ELP3: variants seen among roughly 807,000 people sequenced by gnomAD.
ELP3 encodes the protein elongator acetyltransferase complex subunit 3, also known as elongator complex protein 3.
Under a neutral mutation model 74.9 loss-of-function variants are expected in ELP3, and 56 were observed. The observed-to-expected ratio is 0.75, with a 90% CI of 0.60 to 0.93. ELP3 has a LOEUF of 0.93. ELP3 is among the 40% of genes least tolerant of loss of function. The pLI is 0.00. For synonymous variants in ELP3, 222 were observed against 239.8 expected (o/e 0.93, Z 0.68); for missense variants, 573 against 686.5 (o/e 0.83, Z 1.85).
At position 28,099,914 on chromosome 8, in the gene ELP3, G is replaced by T. The variant is rs139135365; in HGVS notation, c.206G>T (p.Arg69Leu). The change falls in exon 3 of 15, where the codon CGC becomes CTC. Residue 69 changes from arginine (R) to leucine (L), a missense_variant. By Grantham distance (102) the Arg-to-Leu change is moderately radical. Coordinates refer to ENST00000256398, the MANE Select transcript of ELP3 (RefSeq NM_018091.6). ...ATTGCTGCCGTCCCTCCTCAGTATCGCAAGGTCTTGATGCCCAAGTTAAAG... is the reference window on the plus strand; with the variant it reads ...ATTGCTGCCGTCCCTCCTCAGTATCTCAAGGTCTTGATGCCCAAGTTAAAG... ...DIIAAVPPQY[R>L]KVLMPKLKAK... is the part of the protein sequence containing the mutation. 27 of 1,614,130 alleles carry T rather than the reference G, an allele frequency of 1.7e-5. No individual in the cohort carries two copies. The highest frequency in any genetic ancestry group is 2.0e-5 in the Non-Finnish European group (24 of 1,180,040).
intron 3 of ELP3, among the ~76,000 whole-genome samples, chr8:28,105,639 A>G (rs1811658811): frequency 6.6e-6 from 1 of 152,130 alleles, no homozygotes; most frequent in Non-Finnish European, 1.5e-5. Flanking sequence ...CATGTAACAC[A>G]TTTCCATTTG....
In ELP3 at chr8:28,148,064, T is replaced by C. The variant is rs536285291; in HGVS notation, c.1101-7878T>C. Among the ~76,000 whole-genome samples, 1,012 of 152,296 alleles carry C rather than the reference T, an allele frequency of 6.6e-3. 7 individuals carry two copies. The highest frequency in any genetic ancestry group is 0.023 in the African/African-American group (972 of 41,560). ...ATAGGAAAGAAGGGAAAAGTCTTCC[T>C]TACATACAAGGTCAACTAGTAAATA... On this transcript the variant is annotated intron_variant, in intron 10 of 14. Coordinates refer to ENST00000256398, the MANE Select transcript of ELP3 (RefSeq NM_018091.6).
At chr8:28,101,786 C>T (rs766769610) in intron 3 of ELP3, among the ~76,000 whole-genome samples, 3 of 152,050 alleles carry the variant, frequency 2.0e-5, no homozygotes, top group Non-Finnish European at 4.4e-5. Context: ...GACAGGGTTT[C>T]ACTATGTTGG....
Position 28,106,752 on chromosome 8 carries a change from C to A in ELP3, c.298C>A (p.Pro100Thr). 1 of 1,612,646 alleles carries A rather than the reference C, an allele frequency of 6.2e-7. No individual in the cohort carries two copies. Among genetic ancestry groups the A allele is most frequent in the Non-Finnish European group, 8.5e-7 (1 of 1,179,626 alleles). ...VAVMCKPHRC[P>T]HISFTGNICV... ...TGTGATGTGCAAACCCCACAGATGTCCACACATCAGTTTTACAGGAAATAT... is the reference window on the plus strand; with the variant it reads ...TGTGATGTGCAAACCCCACAGATGTACACACATCAGTTTTACAGGAAATAT... The change falls in exon 4 of 15, where the codon CCA becomes ACA. Residue 100 changes from proline to threonine, a missense_variant. Pro to Thr is a conservative substitution (Grantham distance 38, BLOSUM62 -1). Transcript: ENST00000256398.
intron 8 of ELP3, 72 bp downstream of exon 8, chr8:28,129,735 C>G (rs1440384094): frequency 7.7e-6 from 12 of 1,562,236 alleles, no homozygotes; most frequent in Non-Finnish European, 9.7e-6. Context: ...TCATACCCAG[C>G]CTTTCTTCCT....
At chr8:28,091,474 T>A (rs1023712974), upstream of ELP3, among the ~76,000 whole-genome samples, 1 of 152,230 alleles carries the variant, frequency 6.6e-6, no homozygotes, top group Admixed American at 6.5e-5. Flanking sequence ...CAAATACCAC[T>A]GAACTTGGCA....
chr8:28,140,826 T>C (rs1813208332), intron 10 of ELP3, among the ~76,000 whole-genome samples: 1 of 152,202 alleles, frequency 6.6e-6, no homozygotes, highest in South Asian at 2.1e-4. Flanking sequence ...ATACATGTTA[T>C]GTAAGCTTTG....
At chr8:28,173,148 T>C (rs1166268902) in intron 14 of ELP3, among the ~76,000 whole-genome samples, 2 of 152,092 alleles carry the variant, frequency 1.3e-5, no homozygotes, top group Admixed American at 1.3e-4. Context: ...CTTTATTAAA[T>C]GAATTATAAA....
At chr8:28,143,535 T>C (rs927204343) in intron 10 of ELP3, among the ~76,000 whole-genome samples, 3 of 152,230 alleles carry the variant, frequency 2.0e-5, no homozygotes, top group Non-Finnish European at 4.4e-5. Context: ...GTTAGCACTT[T>C]CATGTTCCAT....
In ELP3 at chr8:28,175,370, G is replaced by A. The variant is rs10104783; in HGVS notation, c.1567+13292G>A. Among the ~76,000 whole-genome samples the A allele has an allele frequency of 2.8e-3, 422 of 152,030 alleles. 1 individual carries two copies. The highest frequency in any genetic ancestry group is 9.6e-3 in the African/African-American group (399 of 41,438). On this transcript the variant is annotated intron_variant, in intron 14 of 14. Coordinates refer to ENST00000256398, the MANE Select transcript of ELP3 (RefSeq NM_018091.6). Reference sequence around the variant, plus strand: ...ATAAATTCAGTTGCATTATCTTAAAGTCCACTGATTCTGTCTGCTGCCTCC... The same window carrying A: ...ATAAATTCAGTTGCATTATCTTAAAATCCACTGATTCTGTCTGCTGCCTCC...
intron 7 of ELP3, among the ~76,000 whole-genome samples, chr8:28,120,379 T>A (rs1163780217): frequency 6.6e-6 from 1 of 152,252 alleles, no homozygotes; most frequent in African/African-American, 2.4e-5. Context: ...TTGAGTATAT[T>A]TCCTTTGTGA....
At chr8:28,142,078 A>G (rs1199172650) in intron 10 of ELP3, among the ~76,000 whole-genome samples, 1 of 152,212 alleles carries the variant, frequency 6.6e-6, no homozygotes, top group Admixed American at 6.5e-5. Context: ...TTTAAATACC[A>G]CTATGCGACA....
At chr8:28,105,147 C>T (rs903747826) in intron 3 of ELP3, among the ~76,000 whole-genome samples, 5 of 151,714 alleles carry the variant, frequency 3.3e-5, no homozygotes, top group Non-Finnish European at 7.4e-5. Flanking sequence ...TTTGGAAGGA[C>T]GAGGTGGGTG....
At chr8:28,126,384 A>C (rs1174034119) in intron 7 of ELP3, among the ~76,000 whole-genome samples, 2 of 152,376 alleles carry the variant, frequency 1.3e-5, no homozygotes, top group South Asian at 2.1e-4. Context: ...TATGCTTCAC[A>C]GAGAACATAG....
chr8:28,106,678 C>A, intron 3 of ELP3, 35 bp from the exon 4 acceptor site: 2 of 1,574,098 alleles, frequency 1.3e-6, no homozygotes, highest in South Asian at 1.1e-5. Flanking sequence ...ATTAATTATC[C>A]TATAATAGCT....
At chr8:28,172,261 T>G (rs1296305719) in intron 14 of ELP3, among the ~76,000 whole-genome samples, 1 of 152,160 alleles carries the variant, frequency 6.6e-6, no homozygotes, top group Non-Finnish European at 1.5e-5. Flanking sequence ...CTTAACAATG[T>G]TAAGTCTTCC....
At chr8:28,101,247 T>G (rs1811470209) in intron 3 of ELP3, among the ~76,000 whole-genome samples, 1 of 151,588 alleles carries the variant, frequency 6.6e-6, no homozygotes. Context: ...AGCCCATCTC[T>G]ACTAAAAATA....
intron 2 of ELP3, 115 bp downstream of exon 2, chr8:28,097,433 C>T (rs1031121040): frequency 2.2e-5 from 14 of 639,254 alleles, no homozygotes; most frequent in Non-Finnish European, 3.4e-5. Context: ...AGAATTTTAG[C>T]TTTCTGCCTT....
At chr8:28,143,204 T>A (rs925647491) in intron 10 of ELP3, among the ~76,000 whole-genome samples, 2 of 152,190 alleles carry the variant, frequency 1.3e-5, no homozygotes, top group Admixed American at 6.5e-5. Flanking sequence ...CACGTTCTAG[T>A]CAATGTATTA....
Sources: gnomAD v4.1 joint callset for allele counts (sites outside exome capture counted in the v4.1 genomes callset) on GRCh38, gnomAD v4.1.1 for gene constraint, MANE v1.5 for transcripts, NCBI Gene and HGNC (gene_info 2026-07-23, HGNC 2026-07-21) for gene names.